Variants in C16orf95 observed in about 807,000 individuals in gnomAD.
C16orf95 encodes chromosome 16 open reading frame 95.
A neutral mutation model predicts 32.1 loss-of-function variants in C16orf95; 41 were observed. That is an observed-to-expected ratio of 1.28 (90% CI 1.00 to 1.66). The LOEUF (loss-of-function observed/expected upper bound fraction) is 1.66. Ranked by LOEUF, C16orf95 falls within the 40% of genes most tolerant of loss-of-function variation. The pLI, the probability that C16orf95 is intolerant of heterozygous loss-of-function variation, is 0.00. For missense variants in C16orf95, 399 were observed against 325.9 expected (o/e 1.22, Z -1.73); for synonymous variants, 147 against 128.9 (o/e 1.14, Z -0.95).
intron 3 of C16orf95, among the ~76,000 whole-genome samples, chr16:87,311,614 G>A (rs955345613): frequency 6.6e-6 from 1 of 152,238 alleles, no homozygotes; most frequent in Non-Finnish European, 1.5e-5. Flanking sequence ...GTCCTGGTCT[G>A]GTGGTCTCCA....
intron 4 of C16orf95, among the ~76,000 whole-genome samples, 181 bp downstream of exon 4, chr16:87,310,969 C>G (rs1911257220): frequency 6.6e-6 from 1 of 152,208 alleles, no homozygotes; most frequent in Non-Finnish European, 1.5e-5. Flanking sequence ...TGAGCCACAC[C>G]TGCCCTCTGT....
intron 5 of C16orf95, among the ~76,000 whole-genome samples, chr16:87,309,481 T>C (rs755107022): frequency 6.7e-6 from 1 of 148,788 alleles, no homozygotes; most frequent in Non-Finnish European, 1.5e-5. Flanking sequence ...CCTCCCAGGT[T>C]CAAGCAATTC....
At position 87,317,338 on chromosome 16, in the gene C16orf95, C is replaced by G. The variant is rs553989378; in HGVS notation, c.-96G>C. On this transcript the variant is annotated 5_prime_UTR_variant, in exon 1 of 7. Coordinates refer to ENST00000567970, the MANE Select transcript of C16orf95 (RefSeq NM_001195124.3). Reference sequence around the variant, plus strand: ...CTTTCCCTCCTGCCCCAGGAGGAACCCAACCCGAGCTCAACCCCAGCCCCA... The same window carrying G: ...CTTTCCCTCCTGCCCCAGGAGGAACGCAACCCGAGCTCAACCCCAGCCCCA... 3.0e-3 allele frequency: 4,315 copies of G among 1,433,116 alleles called. 8 individuals are homozygous for G. Among genetic ancestry groups the G allele is most frequent in the Middle Eastern group, 8.3e-3 (44 of 5,324 alleles). The allele number at this position is 1,433,116 out of a possible 1,614,324, so 88.8% of individuals were successfully genotyped here.
At chr16:87,303,460 T>C in intron 6 of C16orf95, 1 of 200,568 alleles carries the variant, frequency 5.0e-6, no homozygotes, top group African/African-American at 2.3e-5. Flanking sequence ...GTAGCACATC[T>C]CTCCAGGCCG....
At chr16:87,314,521 G>A (rs1904302707) in intron 3 of C16orf95, among the ~76,000 whole-genome samples, 1 of 152,152 alleles carries the variant, frequency 6.6e-6, no homozygotes, top group African/African-American at 2.4e-5. Context: ...ATGGAATGTT[G>A]GGTAAAGTTA....
intron 3 of C16orf95, among the ~76,000 whole-genome samples, chr16:87,312,891 A>C (rs1911347772): frequency 6.6e-6 from 1 of 152,228 alleles, no homozygotes; most frequent in African/African-American, 2.4e-5. Flanking sequence ...AATACCAGCA[A>C]TGAAAAGTCA....
At chr16:87,314,162 T>C (rs1904300465) in intron 3 of C16orf95, among the ~76,000 whole-genome samples, 1 of 152,028 alleles carries the variant, frequency 6.6e-6, no homozygotes, top group Non-Finnish European at 1.5e-5. Context: ...TTCCACTCCT[T>C]GGTATTTACC....
intron 3 of C16orf95, 21 bp downstream of exon 3, chr16:87,314,950 C>T: frequency 6.5e-7 from 1 of 1,534,680 alleles, no homozygotes; most frequent in East Asian, 2.4e-5. Context: ...AGGGGAAGAC[C>T]TCCTGGTTCA....
chr16:87,314,324 A>G (rs1244007525), intron 3 of C16orf95, among the ~76,000 whole-genome samples: 2 of 152,252 alleles, frequency 1.3e-5, no homozygotes, highest in Non-Finnish European at 2.9e-5. Flanking sequence ...AGCATTACTC[A>G]ATAATAAAAA....
intron 3 of C16orf95, among the ~76,000 whole-genome samples, chr16:87,313,594 G>C (rs1045078628): frequency 6.6e-6 from 1 of 151,998 alleles, no homozygotes. Context: ...AATTAGCCTC[G>C]TATGGTGGTG....
chr16:87,317,333 G>C lies in C16orf95; in HGVS notation c.-91C>G. On this transcript the variant is annotated 5_prime_UTR_variant, in exon 1 of 7. Coordinates refer to ENST00000567970, the MANE Select transcript of C16orf95 (RefSeq NM_001195124.3). ...CCCGCCTTTCCCTCCTGCCCCAGGA[G>C]GAACCCAACCCGAGCTCAACCCCAG... 6.9e-7 allele frequency: 1 copy of C among 1,439,654 alleles called. No homozygotes were observed. The highest frequency in any genetic ancestry group is 1.4e-5 in the South Asian group (1 of 70,314). 89.2% of individuals were successfully genotyped at this position (1,439,654 alleles called of 1,614,324 possible).
Position 87,317,171 on chromosome 16 carries a change from T to A in C16orf95, c.72A>T (p.Ser24=). 1 of 1,526,348 alleles carries A rather than the reference T, an allele frequency of 6.6e-7. No homozygotes were observed. The allele number at this position is 1,526,348 out of a possible 1,614,324, so 94.6% of individuals were successfully genotyped here. The change falls in exon 1 of 7, where the codon TCA becomes TCT. Residue 24 remains serine, a synonymous_variant. Transcript: ENST00000567970. The part of the protein sequence containing the change: ...HHHHEATGAA[S]GAAAGGPGAG... ...CGCCCGGCCCCCCGGCAGCAGCGCC[T>A]GAGGCTGCTCCAGTGGCCTCATGAT...
chr16:87,307,154 A>C (rs1911065776), intron 5 of C16orf95, among the ~76,000 whole-genome samples: 1 of 152,190 alleles, frequency 6.6e-6, no homozygotes, highest in Non-Finnish European at 1.5e-5. Flanking sequence ...AGGCAAACTC[A>C]CTACAAAGAG....
intron 1 of C16orf95, 61 bp downstream of exon 1, chr16:87,317,030 G>C (rs1002475980): frequency 2.1e-6 from 3 of 1,457,840 alleles, no homozygotes; most frequent in Admixed American, 2.3e-5. Context: ...GAGCAATGCC[G>C]GGCCGGGAAC....
At chr16:87,310,696 T>TC (rs1369134302) in intron 4 of C16orf95, among the ~76,000 whole-genome samples, 1 of 151,874 alleles carries the variant, frequency 6.6e-6, no homozygotes, top group Non-Finnish European at 1.5e-5. Context: ...TGGTGGTCCG[T>TC]CCCGGGCACC....
Position 87,315,025 on chromosome 16 carries a change from C to A in C16orf95, c.276G>T (p.Arg92Ser). ...CCCAGTAAGGCAGTGCTGCTTCCACCCTGGACACAGGCAGGCGGCCCCCGA... is the reference window on the plus strand; with the variant it reads ...CCCAGTAAGGCAGTGCTGCTTCCACACTGGACACAGGCAGGCGGCCCCCGA... ...TRFGGRLPVS[R>S]VEAALPYWVP... Residue 92 changes from arginine (R) to serine (S), a missense_variant, in exon 3 of 7, where the codon AGG becomes AGT. Transcript: ENST00000567970. 1.3e-6 allele frequency: 2 copies of A among 1,536,118 alleles called. No homozygotes were observed. The highest frequency in any genetic ancestry group is 1.7e-6 in the Non-Finnish European group (2 of 1,146,912).
At chr16:87,303,692 A>C (rs1910870209) in intron 6 of C16orf95, 1 of 153,290 alleles carries the variant, frequency 6.5e-6, no homozygotes, top group Admixed American at 6.4e-5. Flanking sequence ...GGGTCTTTCT[A>C]GACAAGCTGT....
At chr16:87,312,225 A>G (rs1427340866) in intron 3 of C16orf95, among the ~76,000 whole-genome samples, 1 of 152,178 alleles carries the variant, frequency 6.6e-6, no homozygotes. Context: ...GGAGGAGGTT[A>G]CAGCAGGAGG....
intron 3 of C16orf95, among the ~76,000 whole-genome samples, chr16:87,312,746 C>T (rs1911342640): frequency 6.6e-6 from 1 of 152,010 alleles, no homozygotes; most frequent in South Asian, 2.1e-4. Context: ...AGAAAGAAAG[C>T]CATCTCTATT....
Sources: gnomAD v4.1 joint callset for allele counts (sites outside exome capture counted in the v4.1 genomes callset) on GRCh38, gnomAD v4.1.1 for gene constraint, MANE v1.5 for transcripts, NCBI Gene and HGNC (gene_info 2026-07-23, HGNC 2026-07-21) for gene names.